UBAP2: variants seen among roughly 807,000 people sequenced by gnomAD.
UBAP2 encodes the protein ubiquitin associated protein 2, also known as ubiquitin-associated protein 2.
In UBAP2, 75 loss-of-function variants were observed where a neutral mutation model predicts 139.6. The observed-to-expected ratio is 0.54, with a 90% CI of 0.45 to 0.65. UBAP2 has a LOEUF of 0.65. Ranked by LOEUF, UBAP2 falls within the 30% of genes least tolerant of loss-of-function variation. The pLI, the probability that UBAP2 is intolerant of heterozygous loss-of-function variation, is 0.00. For synonymous variants in UBAP2, 526 were observed against 526.2 expected (o/e 1.00, Z 0.01); for missense variants, 1,368 against 1,369.6 (o/e 1.00, Z 0.02).
chr9:34,036,806 CT>C (rs869116521), intron 1 of UBAP2, among the ~76,000 whole-genome samples: 463 of 99,476 alleles, frequency 4.7e-3, no homozygotes, highest in African/African-American at 0.013. Context: ...AAGTTTTTCT[CT>C]TTTTTTTTTT....
At position 33,986,788 on chromosome 9, in the gene UBAP2, T is replaced by G. The variant is rs748841969; in HGVS notation, c.492A>C (p.Ser164=). Residue 164 remains serine, a synonymous_variant, in exon 6 of 29, where the codon TCA becomes TCC. Transcript: ENST00000379238. ...TACCCCGGGCTCGCTTGCCACGATCTGAAGGTTTGTCCACTTGATTGCAAT... is the reference window on the plus strand; with the variant it reads ...TACCCCGGGCTCGCTTGCCACGATCGGAAGGTTTGTCCACTTGATTGCAAT... ...GIDCNQVDKP[S]DRGKRARGRG... is the part of the protein sequence containing the mutation. The G allele has an allele frequency of 5.0e-6, 8 of 1,614,148 alleles. No individual in the cohort carries two copies. The East Asian group carries it at 6.7e-5, about 13-fold the overall frequency.
intron 17 of UBAP2, 21 bp downstream of exon 17, chr9:33,935,817 AG>A: frequency 6.2e-7 from 1 of 1,614,058 alleles, no homozygotes; most frequent in South Asian, 1.1e-5. Context: ...CCATGACAAG[AG>A]TAGCTTGCTG....
At chr9:33,927,774 G>T in intron 20 of UBAP2, 23 bp downstream of exon 20, 1 of 1,589,792 alleles carries the variant, frequency 6.3e-7, no homozygotes, top group Non-Finnish European at 8.5e-7. Context: ...GGGGTGGGCA[G>T]GAAAGGCCTC....
chr9:33,968,953 T>C (rs1409262240), intron 8 of UBAP2, among the ~76,000 whole-genome samples: 2 of 152,232 alleles, frequency 1.3e-5, no homozygotes, highest in Non-Finnish European at 2.9e-5. Flanking sequence ...GTGGTCTTTC[T>C]GTGACTCTGC....
intron 2 of UBAP2, among the ~76,000 whole-genome samples, chr9:34,008,762 C>T (rs1194074574): frequency 6.6e-6 from 1 of 151,650 alleles, no homozygotes; most frequent in African/African-American, 2.4e-5. Context: ...GTCAAGAAAT[C>T]GAGACCATCC....
chr9:34,034,743 T>C (rs1249837941), intron 1 of UBAP2, among the ~76,000 whole-genome samples: 1 of 152,060 alleles, frequency 6.6e-6, no homozygotes, highest in Non-Finnish European at 1.5e-5. Context: ...TGTAGTGGCA[T>C]GAGCCTATAG....
intron 1 of UBAP2, among the ~76,000 whole-genome samples, chr9:34,038,095 G>A (rs1258823419): frequency 6.8e-6 from 1 of 146,188 alleles, no homozygotes; most frequent in Non-Finnish European, 1.5e-5. Flanking sequence ...AGCACGGGGA[G>A]TTCAAGGCTG....
At chr9:33,977,011 T>C (rs1820187382) in intron 6 of UBAP2, among the ~76,000 whole-genome samples, 1 of 145,420 alleles carries the variant, frequency 6.9e-6, no homozygotes, top group Admixed American at 6.9e-5. Flanking sequence ...GACTCGGTCT[T>C]GGAAAAAACA....
intron 11 of UBAP2, among the ~76,000 whole-genome samples, chr9:33,955,728 G>A (rs1029215118): frequency 3.3e-5 from 5 of 151,546 alleles, no homozygotes; most frequent in Non-Finnish European, 7.4e-5. Flanking sequence ...TGGGAGGCTT[G>A]AGGCAGGAGA....
In UBAP2 at chr9:33,923,433, G is replaced by T. The variant is rs767821918; in HGVS notation, c.2842C>A (p.Pro948Thr). 1 of 1,614,152 alleles carries T rather than the reference G, an allele frequency of 6.2e-7. No homozygotes were observed. The highest frequency in any genetic ancestry group is 1.7e-5 in the Admixed American group (1 of 60,016). The change falls in exon 25 of 29, where the codon CCC becomes ACC. Residue 948 changes from proline (P) to threonine (T), a missense_variant. Transcript: ENST00000379238. ...AKQHGVNLST[P>T]TPPFQQASGY... The stretch of plus-strand genomic sequence containing the variant: ...CTGGCCTGCTGGAAGGGAGGTGTGG[G>T]AGTGCTGAGGTTCACCCCATGTTGC...
intron 2 of UBAP2, among the ~76,000 whole-genome samples, chr9:34,009,403 AG>A (rs1232021170): frequency 6.6e-6 from 1 of 151,838 alleles, no homozygotes; most frequent in Non-Finnish European, 1.5e-5. Context: ...CTGGCCAAAA[AG>A]GTTTTTTTCT....
chr9:33,939,658 G>A (rs965318185), intron 16 of UBAP2, among the ~76,000 whole-genome samples: 12 of 144,896 alleles, frequency 8.3e-5, no homozygotes, highest in African/African-American at 3.1e-4. Context: ...GGCTGAGGTT[G>A]CAGGCAGTTG....
chr9:33,971,556 A>G (rs1827917678), intron 8 of UBAP2, 95 bp downstream of exon 8: 1 of 779,696 alleles, frequency 1.3e-6, no homozygotes, highest in African/African-American at 1.7e-5. Context: ...ATTCTTTTCC[A>G]TCAGCACATT....
chr9:33,999,108 A>C (rs1030050925), intron 2 of UBAP2, among the ~76,000 whole-genome samples: 8 of 152,200 alleles, frequency 5.3e-5, no homozygotes, highest in African/African-American at 1.9e-4. Flanking sequence ...GTTCATCTTA[A>C]CTGGCCAATG....
chr9:33,933,644 T>G lies in UBAP2; in HGVS notation c.1970-16A>C. 1.9e-6 allele frequency: 3 copies of G among 1,613,156 alleles called. No homozygotes were observed. Among genetic ancestry groups the G allele is most frequent in the Non-Finnish European group, 2.5e-6 (3 of 1,179,710 alleles). ...GTCTTTGGAGCTGGAACAGATGAAG[T>G]AGCTGTAAGAAGCAGATCTGTTTAT... On this transcript the variant is annotated splice_polypyrimidine_tract_variant and intron_variant, in intron 17 of 28. Coordinates refer to ENST00000379238, the MANE Select transcript of UBAP2 (RefSeq NM_001370062.2).
At chr9:33,998,093 G>A (rs1197336111) in intron 3 of UBAP2, 16 of 152,246 alleles carry the variant, frequency 1.1e-4, no homozygotes. Context: ...TTTCCAACAA[G>A]AGTATGAAAT....
chr9:34,007,767 T>C (rs971322132), intron 2 of UBAP2, among the ~76,000 whole-genome samples: 3 of 151,196 alleles, frequency 2.0e-5, no homozygotes, highest in Admixed American at 6.6e-5. Flanking sequence ...GCCTCCCGAG[T>C]AGCTGGGACT....
chr9:33,976,003 G>A (rs2131075525), intron 6 of UBAP2, among the ~76,000 whole-genome samples: 1 of 152,144 alleles, frequency 6.6e-6, no homozygotes, highest in African/African-American at 2.4e-5. Flanking sequence ...ATCGCTTGAG[G>A]CCAGGAGTTC....
At chr9:33,992,800 A>G (rs1821836349) in intron 4 of UBAP2, among the ~76,000 whole-genome samples, 3 of 152,196 alleles carry the variant, frequency 2.0e-5, no homozygotes. Context: ...TAACCAAGTA[A>G]TTATGGAGGA....
Sources: allele counts gnomAD v4.1 joint callset (sites outside exome capture counted in the v4.1 genomes callset), GRCh38; gene constraint gnomAD v4.1.1; transcripts MANE v1.5; gene names NCBI Gene and HGNC (gene_info 2026-07-23, HGNC 2026-07-21).